The following UVRAG variants were observed in gnomAD, a reference collection of about 807,000 sequenced individuals.
UVRAG encodes the protein UV radiation resistance-associated gene protein.
UVRAG carries 19 observed loss-of-function variants against 78.0 expected under a neutral mutation model. The ratio of observed to expected loss-of-function variants is 0.24; its 90% confidence interval spans 0.17 to 0.36. The LOEUF (loss-of-function observed/expected upper bound fraction) is 0.36, where lower values mean the gene tolerates loss of function less well. UVRAG is among the 10% of genes least tolerant of loss of function. The probability of loss-of-function intolerance (pLI) is 1.00; values close to 1 mark genes in which losing one functional copy is unlikely to be tolerated. For missense variants in UVRAG, 740 were observed against 853.8 expected, an observed-to-expected ratio of 0.87 and a Z score of 1.66; for synonymous variants, 323 against 324.6, an observed-to-expected ratio of 1.00 and a Z score of 0.05.
intron 12 of UVRAG, among the ~76,000 whole-genome samples, chr11:76,035,971 C>T (rs1297692286): frequency 6.6e-6 from 1 of 152,056 alleles, no homozygotes; most frequent in East Asian, 1.9e-4. Flanking sequence ...GAAAGAAGTA[C>T]AATCTGATTT....
At chr11:76,039,695 C>T (rs552574746) in intron 12 of UVRAG, among the ~76,000 whole-genome samples, 5 of 152,206 alleles carry the variant, frequency 3.3e-5, no homozygotes, top group South Asian at 2.1e-4. Flanking sequence ...GCCAGCATGG[C>T]GAAACCCTGT....
intron 6 of UVRAG, among the ~76,000 whole-genome samples, chr11:75,926,341 GTTCC>G (rs1418401129): frequency 6.6e-6 from 1 of 152,152 alleles, no homozygotes; most frequent in Admixed American, 6.5e-5. Context: ...TTAGGCTTCT[GTTCC>G]TTAAATTCAG....
chr11:76,040,666 G>A (rs1302164480), intron 12 of UVRAG, among the ~76,000 whole-genome samples: 3 of 151,860 alleles, frequency 2.0e-5, no homozygotes, highest in African/African-American at 2.4e-5. Flanking sequence ...AGCAATTCTC[G>A]TGCCTCAGCC....
intron 6 of UVRAG, among the ~76,000 whole-genome samples, chr11:75,956,161 C>A (rs1315262313): frequency 6.6e-6 from 1 of 152,026 alleles, no homozygotes; most frequent in African/African-American, 2.4e-5. Context: ...TATGAATATA[C>A]CTCAATCTGT....
At chr11:75,920,002 A>G (rs1317724758) in intron 6 of UVRAG, among the ~76,000 whole-genome samples, 6 of 107,360 alleles carry the variant, frequency 5.6e-5, no homozygotes, top group Non-Finnish European at 1.1e-4. Context: ...AAATAAAATA[A>G]TTTTGGTTTT....
chr11:75,830,089 C>T (rs1945620535), intron 1 of UVRAG, among the ~76,000 whole-genome samples: 1 of 152,148 alleles, frequency 6.6e-6, no homozygotes, highest in African/African-American at 2.4e-5. Flanking sequence ...ATCTGCCTGC[C>T]TCGTCTTCCC....
chr11:76,085,228 A>G (rs1280289168), intron 13 of UVRAG, among the ~76,000 whole-genome samples: 1 of 152,206 alleles, frequency 6.6e-6, no homozygotes, highest in East Asian at 1.9e-4. Context: ...GAATCCATAA[A>G]TTACTGTGTT....
chr11:76,092,764 A>G (rs569802121), intron 13 of UVRAG, among the ~76,000 whole-genome samples: 1 of 151,728 alleles, frequency 6.6e-6, no homozygotes, highest in South Asian at 2.1e-4. Context: ...GATTGCAAAA[A>G]TTTTCTCCCA....
chr11:75,865,713 C>A (rs1946523174), intron 3 of UVRAG, among the ~76,000 whole-genome samples: 1 of 151,726 alleles, frequency 6.6e-6, no homozygotes, highest in African/African-American at 2.4e-5. Context: ...CTCCCGGGTT[C>A]AAATGATTCT....
chr11:75,949,692 C>CATATATAT (rs35234096), intron 6 of UVRAG, among the ~76,000 whole-genome samples: 2 of 140,158 alleles, frequency 1.4e-5, no homozygotes, highest in African/African-American at 2.6e-5. Flanking sequence ...CAATAAAATA[C>CATATATAT]ATATATATAT....
At chr11:76,050,249 C>T (rs746815322) in intron 12 of UVRAG, among the ~76,000 whole-genome samples, 4 of 152,158 alleles carry the variant, frequency 2.6e-5, no homozygotes, top group Non-Finnish European at 5.9e-5. Context: ...AGTTGGTTGT[C>T]TAGGTATATT....
At chr11:75,900,644 C>T (rs1262224953) in intron 5 of UVRAG, among the ~76,000 whole-genome samples, 4 of 152,096 alleles carry the variant, frequency 2.6e-5, no homozygotes, top group East Asian at 1.9e-4. Context: ...GCTTAAGGGA[C>T]GGCTACTTCA....
At chr11:75,868,636 C>T (rs1343582731) in intron 3 of UVRAG, among the ~76,000 whole-genome samples, 1 of 152,170 alleles carries the variant, frequency 6.6e-6, no homozygotes, top group African/African-American at 2.4e-5. Flanking sequence ...ATCATCTCTT[C>T]TTGTGTTCAG....
intron 6 of UVRAG, among the ~76,000 whole-genome samples, chr11:75,934,192 C>T (rs1289707419): frequency 2.0e-5 from 3 of 152,264 alleles, no homozygotes; most frequent in African/African-American, 7.2e-5. Context: ...TCTATAACAA[C>T]ATGGATGGAA....
intron 13 of UVRAG, among the ~76,000 whole-genome samples, chr11:76,112,282 A>G (rs891475858): frequency 6.6e-6 from 1 of 152,200 alleles, no homozygotes; most frequent in African/African-American, 2.4e-5. Context: ...ATGACAGTAA[A>G]GAAATACTTT....
chr11:75,990,272 A>T (rs1170344113), intron 8 of UVRAG, among the ~76,000 whole-genome samples: 1 of 152,224 alleles, frequency 6.6e-6, no homozygotes, highest in Non-Finnish European at 1.5e-5. Flanking sequence ...CCAGCTGTGT[A>T]ACCTTGTCCA....
intron 13 of UVRAG, among the ~76,000 whole-genome samples, chr11:76,103,448 T>C (rs1415575662): frequency 2.6e-5 from 4 of 152,178 alleles, no homozygotes; most frequent in Non-Finnish European, 2.9e-5. Context: ...CATTACTTTT[T>C]GTTAAATGAA....
intron 12 of UVRAG, among the ~76,000 whole-genome samples, chr11:76,019,404 G>A (rs568729224): frequency 2.0e-5 from 3 of 152,328 alleles, no homozygotes; most frequent in East Asian, 1.9e-4. Flanking sequence ...GCTTGTGGAT[G>A]TTTGCCAGTG....
intron 6 of UVRAG, 134 bp downstream of exon 6, chr11:75,912,173 C>G (rs1302505547): frequency 1.6e-6 from 1 of 641,666 alleles, no homozygotes; most frequent in African/African-American, 1.8e-5. Flanking sequence ...GTGCAAGCGT[C>G]ATAAATTTTG....
Sources: allele counts gnomAD v4.1 joint callset (sites outside exome capture counted in the v4.1 genomes callset), GRCh38; gene constraint gnomAD v4.1.1; transcripts MANE v1.5; gene names NCBI Gene and HGNC (gene_info 2026-07-23, HGNC 2026-07-21).